Variants in LYST observed in about 807,000 individuals in gnomAD.
LYST encodes lysosomal trafficking regulator.
LYST carries 192 observed loss-of-function variants against 413.6 expected under a neutral mutation model. The ratio of observed to expected loss-of-function variants is 0.46; its 90% CI spans 0.41 to 0.52. The LOEUF (loss-of-function observed/expected upper bound fraction) is 0.52, where lower values mean the gene tolerates loss of function less well. Among genes scored for constraint, LYST ranks in the 20% least tolerant of loss-of-function variants. The pLI is 0.00. For missense variants in LYST, 3,815 were observed against 4,499.9 expected (o/e 0.85, Z 4.35); for synonymous variants, 1,525 against 1,567.3 (o/e 0.97, Z 0.64).
In LYST at chr1:235,741,529, T is replaced by C. The variant is rs765720380; in HGVS notation, c.8251A>G (p.Ile2751Val). The part of the protein sequence containing the change: ...RMQLGRLLVH[I>V]LSPAHAAQER... Reference sequence around the variant, plus strand: ...TGTGCAGCGTGGGCTGGCGACAAAATATGCACTAGTAGTCTCCCAAGCTGC... The same window carrying C: ...TGTGCAGCGTGGGCTGGCGACAAAACATGCACTAGTAGTCTCCCAAGCTGC... The change falls in exon 31 of 53, where the codon ATT (isoleucine) becomes GTT (valine). Residue 2751 changes from isoleucine to valine, a missense_variant. Transcript: ENST00000389793. The C allele has an allele frequency of 5.6e-6, 9 of 1,613,920 alleles. No homozygotes were observed. Among genetic ancestry groups the C allele is most frequent in the Non-Finnish European group, 5.9e-6 (7 of 1,179,906 alleles).
In LYST at chr1:235,729,662, C is replaced by CA; in HGVS notation, c.9045-6dup. 1 of 1,595,148 alleles carries CA rather than the reference C, an allele frequency of 6.3e-7. No homozygotes were observed. The highest frequency in any genetic ancestry group is 1.1e-5 in the South Asian group (1 of 90,668). On this transcript the variant is annotated splice_region_variant and splice_polypyrimidine_tract_variant and intron_variant, in intron 36 of 52. Transcript: ENST00000389793. ...CTGATGCATCTTCGATTCACTCTGTCAAAACATATTTAAAATTACTATGAC... is the reference window on the plus strand; with the variant it reads ...CTGATGCATCTTCGATTCACTCTGTCAAAAACATATTTAAAATTACTATGAC...
intron 1 of LYST, among the ~76,000 whole-genome samples, chr1:235,874,418 T>C (rs1173048147): frequency 1.3e-5 from 2 of 152,186 alleles, no homozygotes; most frequent in African/African-American, 4.8e-5. Context: ...ACATTGTGCG[T>C]AGGATTCTCT....
At chr1:235,675,620 GAGGACA>G (rs1474752765) in intron 50 of LYST, among the ~76,000 whole-genome samples, 1 of 152,160 alleles carries the variant, frequency 6.6e-6, no homozygotes, top group Non-Finnish European at 1.5e-5. Context: ...CTGACTCCAG[GAGGACA>G]GACACTCCAG....
chr1:235,694,088 C>T (rs1036986886), intron 46 of LYST, among the ~76,000 whole-genome samples: 2 of 151,324 alleles, frequency 1.3e-5, no homozygotes, highest in South Asian at 4.2e-4. Context: ...CGGCTCACTG[C>T]AACCTCCGCT....
In LYST at chr1:235,693,383, T is replaced by G; in HGVS notation, c.10668A>C (p.Pro3556=). 1 of 1,613,180 alleles carries G rather than the reference T, an allele frequency of 6.2e-7. No individual in the cohort carries two copies. Residue 3556 remains proline, a synonymous_variant, in exon 47 of 53, where the codon CCA becomes CCC. Transcript: ENST00000389793. ...GTTGTGAACTTTGAATAAAGTTTAC[T>G]GGAGGCTCACTTTGTTTACTCTTCA... is the stretch of plus-strand genomic sequence containing the variant. ...LRLKSKQSEP[P]VNFIQSSQQY...
intron 38 of LYST, 136 bp downstream of exon 38, chr1:235,727,940 G>T: frequency 1.5e-6 from 1 of 671,776 alleles, no homozygotes; most frequent in Non-Finnish European, 2.6e-6. Context: ...AAAATGTTTG[G>T]AACTCAGACC....
At chr1:235,667,608 A>G (rs1212562730) in intron 50 of LYST, among the ~76,000 whole-genome samples, 1 of 152,144 alleles carries the variant, frequency 6.6e-6, no homozygotes, top group African/African-American at 2.4e-5. Flanking sequence ...TGGATGCTCA[A>G]GTCCTTGATA....
intron 5 of LYST, 29 bp downstream of exon 5, chr1:235,808,426 C>T (rs1323819542): frequency 6.2e-7 from 1 of 1,605,458 alleles, no homozygotes; most frequent in Non-Finnish European, 8.5e-7. Flanking sequence ...ACAACCCCCG[C>T]CCCCGCCGCC....
chr1:235,834,936 G>A (rs982429583), intron 1 of LYST, among the ~76,000 whole-genome samples: 17 of 151,152 alleles, frequency 1.1e-4, no homozygotes, highest in African/African-American at 4.1e-4. Flanking sequence ...TTTTTTTTGA[G>A]AGGAGTTTCA....
chr1:235,836,170 A>T (rs1305193410), intron 1 of LYST, among the ~76,000 whole-genome samples: 2 of 152,250 alleles, frequency 1.3e-5, no homozygotes, highest in African/African-American at 4.8e-5. Flanking sequence ...CACTGATTTA[A>T]TGTATTAGCT....
chr1:235,851,629 C>T (rs1678555365), intron 1 of LYST, among the ~76,000 whole-genome samples: 1 of 151,730 alleles, frequency 6.6e-6, no homozygotes, highest in African/African-American at 2.4e-5. Context: ...AAACAAAGTT[C>T]ATTAGGAATA....
chr1:235,782,200 A>G lies in LYST; in HGVS notation c.4863-113T>C, dbSNP rs562398095. ...GAATTCTTTTTTTTTTTTTTTGGAG[A>G]CAGAGTCTCGCTCTGTTGCCCAGGT... On this transcript the variant is annotated intron_variant, in intron 14 of 52. Transcript: ENST00000389793. The G allele has an allele frequency of 1.5e-4, 140 of 951,374 alleles. No individual in the cohort carries two copies. The South Asian group carries it at 1.7e-3, about 11-fold the overall frequency. The allele number at this position is 951,374 out of a possible 1,614,324, so 58.9% of individuals were successfully genotyped here.
chr1:235,742,735 G>T (rs943300608), intron 30 of LYST, among the ~76,000 whole-genome samples: 1 of 151,752 alleles, frequency 6.6e-6, no homozygotes, highest in African/African-American at 2.4e-5. Flanking sequence ...CAATAAAAAA[G>T]AGAAAGGATT....
chr1:235,738,223 CAA>C, intron 31 of LYST: 1 of 1,610,632 alleles, frequency 6.2e-7, no homozygotes, highest in Non-Finnish European at 8.5e-7. Flanking sequence ...CTTAGAACAC[CAA>C]AGATTGTCTC....
At chr1:235,812,369 T>C (rs1357102891) in intron 4 of LYST, among the ~76,000 whole-genome samples, 1 of 151,908 alleles carries the variant, frequency 6.6e-6, no homozygotes, top group Non-Finnish European at 1.5e-5. Context: ...TAGTCTGGCA[T>C]GGTGGTGCAC....
chr1:235,738,091 T>C (rs1467565917), intron 31 of LYST: 1 of 1,605,338 alleles, frequency 6.2e-7, no homozygotes, highest in Non-Finnish European at 8.5e-7. Context: ...GTTGGTGCTC[T>C]TGGCATGGCC....
rs115441306 is a variant in LYST at position 235,693,513 on chromosome 1, T to C, written c.10565-27A>G. ...TCAAGGAGAAGGAGAAAGAAAAGTA[T>C]CAGATTGTCACTGCTCGACTGTTAC... On this transcript the variant is annotated intron_variant, in intron 46 of 52. Transcript: ENST00000389793. The C allele has an allele frequency of 1.9e-6, 3 of 1,613,664 alleles. No homozygotes were observed. In the African/African-American group the frequency reaches 4.0e-5, roughly 22 times the overall value.
chr1:235,846,479 C>T (rs1572440015), intron 1 of LYST, among the ~76,000 whole-genome samples: 1 of 152,054 alleles, frequency 6.6e-6, no homozygotes, highest in African/African-American at 2.4e-5. Context: ...AACACCCCCC[C>T]AAAATTTCTC....
chr1:235,721,878 A>G (rs957786973), intron 39 of LYST, among the ~76,000 whole-genome samples: 1 of 152,238 alleles, frequency 6.6e-6, no homozygotes, highest in Non-Finnish European at 1.5e-5. Context: ...TTAACAAAGT[A>G]AAGACTTGGC....
Sources: allele counts gnomAD v4.1 joint callset (sites outside exome capture counted in the v4.1 genomes callset), GRCh38; gene constraint gnomAD v4.1.1; transcripts MANE v1.5; gene names NCBI Gene and HGNC (gene_info 2026-07-23, HGNC 2026-07-21).